Variants in MINDY4 observed in about 807,000 individuals in gnomAD.
MINDY4 encodes the protein probable ubiquitin carboxyl-terminal hydrolase MINDY-4.
A neutral mutation model predicts 87.0 loss-of-function variants in MINDY4; 68 were observed. The observed-to-expected ratio is 0.78, with a 90% CI of 0.64 to 0.96. MINDY4 has a LOEUF of 0.96. MINDY4 is among the 40% of genes least tolerant of loss of function. The pLI is 0.00. For synonymous variants in MINDY4, 379 were observed against 363.2 expected (o/e 1.04, Z -0.50); for missense variants, 919 against 928.2 (o/e 0.99, Z 0.13).
At chr7:30,771,622 C>T (rs1311366251) in intron 1 of MINDY4, 66 bp downstream of exon 1, 6 of 1,510,558 alleles carry the variant, frequency 4.0e-6, no homozygotes, top group Non-Finnish European at 5.4e-6. Context: ...CGGGGTCTCC[C>T]CTGAAGGCTT....
chr7:30,846,699 C>T (rs1003170985), intron 9 of MINDY4, among the ~76,000 whole-genome samples: 9 of 148,788 alleles, frequency 6.0e-5, no homozygotes, highest in South Asian at 2.2e-4. Flanking sequence ...GTTAAATCCA[C>T]GGTCCCCAGC....
intron 17 of MINDY4, among the ~76,000 whole-genome samples, chr7:30,887,902 G>T (rs538309013): frequency 6.6e-6 from 1 of 152,340 alleles, no homozygotes; most frequent in South Asian, 2.1e-4. Context: ...TACCCACGTG[G>T]CTCATCCTAG....
At chr7:30,887,944 G>A (rs575087585) in intron 17 of MINDY4, among the ~76,000 whole-genome samples, 3 of 152,310 alleles carry the variant, frequency 2.0e-5, no homozygotes, top group South Asian at 4.2e-4. Context: ...GCTGGAGCAC[G>A]GGAACGGAAA....
At chr7:30,772,702 G>A (rs1489857161) in intron 1 of MINDY4, among the ~76,000 whole-genome samples, 2 of 152,024 alleles carry the variant, frequency 1.3e-5, no homozygotes, top group Admixed American at 6.5e-5. Flanking sequence ...TTTTAAATGC[G>A]TTTGGCTTTG....
intron 13 of MINDY4, among the ~76,000 whole-genome samples, chr7:30,859,943 G>T (rs1293184781): frequency 6.6e-6 from 1 of 152,200 alleles, no homozygotes; most frequent in Non-Finnish European, 1.5e-5. Flanking sequence ...AAGCTCATTT[G>T]CTAGGAGCTT....
chr7:30,883,748 G>A (rs1417050019), intron 17 of MINDY4, among the ~76,000 whole-genome samples: 2 of 152,174 alleles, frequency 1.3e-5, no homozygotes, highest in Admixed American at 6.5e-5. Context: ...TGCATGAGAG[G>A]AGCAGCCCGG....
intron 15 of MINDY4, among the ~76,000 whole-genome samples, chr7:30,881,191 G>A (rs929257550): frequency 4.6e-5 from 7 of 152,186 alleles, no homozygotes; most frequent in Non-Finnish European, 7.3e-5. Context: ...CGCTGGCCAA[G>A]AAGTGTCAGG....
intron 3 of MINDY4, among the ~76,000 whole-genome samples, chr7:30,785,255 C>T (rs980519568): frequency 2.7e-5 from 3 of 109,668 alleles, no homozygotes; most frequent in Non-Finnish European, 5.3e-5. Flanking sequence ...CTCTTACTTC[C>T]TCTCTCTCTC....
intron 5 of MINDY4, among the ~76,000 whole-genome samples, chr7:30,801,567 C>T (rs1293878805): frequency 6.6e-6 from 1 of 152,076 alleles, no homozygotes; most frequent in East Asian, 1.9e-4. Context: ...CCCCAGTCCA[C>T]AGTGGAATGC....
At chr7:30,850,654 C>CCCA in intron 10 of MINDY4, 99 bp downstream of exon 10, 1 of 1,073,762 alleles carries the variant, frequency 9.3e-7, no homozygotes, top group Non-Finnish European at 1.4e-6. Flanking sequence ...CCTTCCGTTA[C>CCCA]CCACCCTGTG....
At chr7:30,791,102 G>A in intron 4 of MINDY4, 63 bp from the exon 5 acceptor site, 1 of 1,449,084 alleles carries the variant, frequency 6.9e-7, no homozygotes, top group Non-Finnish European at 9.4e-7. Context: ...TGCTTGAAGT[G>A]GGATCTTTGT....
chr7:30,807,180 C>T lies in MINDY4; in HGVS notation c.1073+15606C>T, dbSNP rs184400681. On this transcript the variant is annotated intron_variant, in intron 5 of 17. Coordinates refer to ENST00000265299, the MANE Select transcript of MINDY4 (RefSeq NM_032222.3). The stretch of plus-strand genomic sequence containing the variant: ...GGCTGTTTGGCAAGGCTGAGAGCCA[C>T]GTCCATTATTTCATGTCCACCTCCT... Among the ~76,000 whole-genome samples the T allele has an allele frequency of 2.7e-3, 406 of 152,298 alleles. 2 individuals carry two copies. Among genetic ancestry groups the T allele is most frequent in the Non-Finnish European group, 2.6e-3 (180 of 68,036 alleles).
chr7:30,865,803 G>A (rs532417146), intron 13 of MINDY4, among the ~76,000 whole-genome samples: 2 of 152,336 alleles, frequency 1.3e-5, no homozygotes, highest in East Asian at 3.9e-4. Flanking sequence ...GGCACAGTTG[G>A]CAGCATCACC....
At chr7:30,881,336 A>G (rs942540926) in intron 15 of MINDY4, among the ~76,000 whole-genome samples, 1 of 152,158 alleles carries the variant, frequency 6.6e-6, no homozygotes, top group African/African-American at 2.4e-5. Flanking sequence ...GTCTTCTTCC[A>G]CAAACACTTC....
intron 5 of MINDY4, among the ~76,000 whole-genome samples, chr7:30,815,295 A>G (rs958474537): frequency 6.6e-6 from 1 of 152,194 alleles, no homozygotes; most frequent in Non-Finnish European, 1.5e-5. Flanking sequence ...AATCCTTTCC[A>G]TCCTGGGCTC....
At chr7:30,844,281 C>A (rs547212381) in intron 9 of MINDY4, among the ~76,000 whole-genome samples, 27 of 152,250 alleles carry the variant, frequency 1.8e-4, no homozygotes, top group African/African-American at 6.5e-4. Context: ...TTATGGAGCT[C>A]GCTGAAAAAG....
intron 5 of MINDY4, among the ~76,000 whole-genome samples, chr7:30,814,518 A>G (rs1788094408): frequency 6.6e-6 from 1 of 152,228 alleles, no homozygotes; most frequent in Non-Finnish European, 1.5e-5. Context: ...TTCATTTGTA[A>G]AAAATAGGGC....
chr7:30,820,266 C>A (rs1409429228), intron 5 of MINDY4, among the ~76,000 whole-genome samples: 1 of 151,044 alleles, frequency 6.6e-6, no homozygotes, highest in Non-Finnish European at 1.5e-5. Flanking sequence ...TTTTTTTTTG[C>A]CTTTAGTATA....
At chr7:30,848,169 G>A (rs1421846762) in intron 9 of MINDY4, among the ~76,000 whole-genome samples, 2 of 152,198 alleles carry the variant, frequency 1.3e-5, no homozygotes, top group East Asian at 3.8e-4. Context: ...TTCCAGCTTA[G>A]GTGTTCTAGG....
Sources: allele counts gnomAD v4.1 joint callset (sites outside exome capture counted in the v4.1 genomes callset), GRCh38; gene constraint gnomAD v4.1.1; transcripts MANE v1.5; gene names NCBI Gene and HGNC (gene_info 2026-07-23, HGNC 2026-07-21).